The following FHIT variants were observed in gnomAD, a reference collection of about 807,000 sequenced individuals.
FHIT encodes bis(5'-adenosyl)-triphosphatase.
A neutral mutation model predicts 17.9 loss-of-function variants in FHIT; 19 were observed. That is an observed-to-expected ratio of 1.06 (90% CI 0.74 to 1.56). The LOEUF is 1.56. Among genes scored for constraint, FHIT ranks in the 40% most tolerant of loss-of-function variants. The probability of loss-of-function intolerance (pLI) is 0.00; values close to 1 mark genes in which losing one functional copy is unlikely to be tolerated. For synonymous variants in FHIT, 81 were observed against 69.7 expected, an observed-to-expected ratio of 1.16 and a Z score of -0.81; for missense variants, 248 against 189.2, an observed-to-expected ratio of 1.31 and a Z score of -1.82.
rs376744357 is a variant in FHIT at position 60,138,614 on chromosome 3, G to A, written c.104-124462C>T. 8.5e-5 allele frequency among the ~76,000 whole-genome samples: 13 copies of A among 152,196 alleles called. No homozygotes were observed. The South Asian group carries it at 2.5e-3, about 29-fold the overall frequency. ...TCATGACAACCTCATAAGTTGTCATGCTATCTCCAAGTTTTGGATAGAGAC... is the reference window on the plus strand; with the variant it reads ...TCATGACAACCTCATAAGTTGTCATACTATCTCCAAGTTTTGGATAGAGAC... On this transcript the variant is annotated intron_variant, in intron 5 of 9. Coordinates refer to ENST00000492590, the MANE Select transcript of FHIT (RefSeq NM_002012.4).
intron 3 of FHIT, among the ~76,000 whole-genome samples, chr3:60,904,143 A>G (rs76310431): frequency 9.2e-5 from 14 of 152,254 alleles, no homozygotes; most frequent in African/African-American, 3.1e-4. Context: ...TTAGATTTTC[A>G]TTTATTCATC....
chr3:60,050,722 C>T (rs1701837185), intron 5 of FHIT, among the ~76,000 whole-genome samples: 1 of 152,120 alleles, frequency 6.6e-6, no homozygotes, highest in Non-Finnish European at 1.5e-5. Flanking sequence ...TGGGTTATCT[C>T]ATATTCTCAA....
intron 8 of FHIT, among the ~76,000 whole-genome samples, chr3:59,830,463 A>G (rs777180339): frequency 6.6e-6 from 1 of 152,070 alleles, no homozygotes; most frequent in African/African-American, 2.4e-5. Flanking sequence ...CTGTTTAGGG[A>G]CTCCAAAATG....
Position 59,748,741 on chromosome 3 carries a change from C to A in FHIT, c.*844G>T, listed in dbSNP as rs1700726429. ...TAAGAGAATGGCCTTTAGGGTGGGACTGCCTGGATTCAAATCTGAGCTTTG... is the reference window on the plus strand; with the variant it reads ...TAAGAGAATGGCCTTTAGGGTGGGAATGCCTGGATTCAAATCTGAGCTTTG... On this transcript the variant is annotated 3_prime_UTR_variant, in exon 10 of 10. Transcript: ENST00000492590. Among the ~76,000 whole-genome samples the A allele has an allele frequency of 6.6e-6, 1 of 152,136 alleles. No individual in the cohort carries two copies. The highest frequency in any genetic ancestry group is 1.5e-5 in the Non-Finnish European group (1 of 68,022).
At chr3:60,596,745 G>A (rs1438829273) in intron 4 of FHIT, among the ~76,000 whole-genome samples, 3 of 152,092 alleles carry the variant, frequency 2.0e-5, no homozygotes, top group Non-Finnish European at 4.4e-5. Context: ...TAGAGACTCT[G>A]GAGTGTGACT....
At chr3:60,211,068 T>TAAAAAAAAAAAAAA in intron 5 of FHIT, among the ~76,000 whole-genome samples, 1 of 84,464 alleles carries the variant, frequency 1.2e-5, no homozygotes, top group African/African-American at 4.6e-5. Context: ...TATAAAACCG[T>TAAAAAAAAAAAAAA]AAAAAAAAAA....
intron 5 of FHIT, among the ~76,000 whole-genome samples, chr3:60,506,826 T>C (rs570549509): frequency 3.3e-5 from 5 of 151,612 alleles, no homozygotes; most frequent in Admixed American, 6.6e-5. Context: ...ACAGCTGACC[T>C]GCAGATTTGT....
At chr3:59,900,779 A>G (rs1438731911) in intron 8 of FHIT, among the ~76,000 whole-genome samples, 2 of 151,930 alleles carry the variant, frequency 1.3e-5, no homozygotes, top group African/African-American at 4.8e-5. Flanking sequence ...ATGCTTGGCT[A>G]CTTTTTGTAT....
At chr3:61,002,703 C>T (rs1306820777) in intron 3 of FHIT, among the ~76,000 whole-genome samples, 2 of 152,184 alleles carry the variant, frequency 1.3e-5, no homozygotes, top group Non-Finnish European at 2.9e-5. Context: ...TAATTAGGCC[C>T]GTTGATTGCT....
At chr3:60,964,722 G>C (rs1184347172) in intron 3 of FHIT, among the ~76,000 whole-genome samples, 1 of 152,138 alleles carries the variant, frequency 6.6e-6, no homozygotes, top group Non-Finnish European at 1.5e-5. Context: ...GAAATTCTGG[G>C]TTGAAAATTC....
intron 4 of FHIT, among the ~76,000 whole-genome samples, chr3:60,785,023 A>G (rs1553726500): frequency 2.6e-5 from 4 of 152,176 alleles, no homozygotes. Flanking sequence ...TAGCAGCCCA[A>G]ATGGACAAAC....
At chr3:60,964,795 G>A (rs9863189) in intron 3 of FHIT, among the ~76,000 whole-genome samples, 1 of 152,212 alleles carries the variant, frequency 6.6e-6, no homozygotes, top group East Asian at 1.9e-4. Flanking sequence ...TCTGCCAAGA[G>A]ATCTGTTGTT....
intron 5 of FHIT, among the ~76,000 whole-genome samples, chr3:60,142,864 C>G (rs1700097890): frequency 6.6e-6 from 1 of 151,870 alleles, no homozygotes; most frequent in South Asian, 2.1e-4. Flanking sequence ...AAAAATATAA[C>G]TCAACTTAAG....
At chr3:60,638,917 T>A (rs781891950) in intron 4 of FHIT, among the ~76,000 whole-genome samples, 3 of 150,330 alleles carry the variant, frequency 2.0e-5, no homozygotes, top group Non-Finnish European at 1.5e-5. Context: ...AAAACATGAC[T>A]GGAAAAGTTA....
intron 4 of FHIT, among the ~76,000 whole-genome samples, chr3:60,570,013 C>T (rs1355353037): frequency 6.6e-6 from 1 of 151,996 alleles, no homozygotes; most frequent in Non-Finnish European, 1.5e-5. Flanking sequence ...AGAATGTTTT[C>T]ATCACTGCCT....
chr3:60,270,524 A>G (rs573893006), intron 5 of FHIT, among the ~76,000 whole-genome samples: 1 of 152,332 alleles, frequency 6.6e-6, no homozygotes, highest in East Asian at 1.9e-4. Context: ...AAGATGTTCA[A>G]GTATAAAAGC....
intron 5 of FHIT, among the ~76,000 whole-genome samples, chr3:60,284,250 G>T (rs573183784): frequency 2.6e-5 from 4 of 152,142 alleles, no homozygotes; most frequent in East Asian, 1.9e-4. Flanking sequence ...TTTAAGAATC[G>T]TAACAGTACA....
At chr3:60,965,441 T>C (rs1034291289) in intron 3 of FHIT, among the ~76,000 whole-genome samples, 1 of 152,246 alleles carries the variant, frequency 6.6e-6, no homozygotes. Flanking sequence ...ACTCAACTTG[T>C]CAAAGTCATT....
At chr3:59,815,418 A>T (rs1032607789) in intron 8 of FHIT, among the ~76,000 whole-genome samples, 1 of 152,204 alleles carries the variant, frequency 6.6e-6, no homozygotes, top group African/African-American at 2.4e-5. Context: ...TATGAAAAAA[A>T]ATACTTGCAC....
Sources: gnomAD v4.1 joint callset for allele counts (sites outside exome capture counted in the v4.1 genomes callset) on GRCh38, gnomAD v4.1.1 for gene constraint, MANE v1.5 for transcripts, NCBI Gene and HGNC (gene_info 2026-07-23, HGNC 2026-07-21) for gene names.